Variants in MACROD2 observed in about 807,000 individuals in gnomAD.
MACROD2 encodes the protein ADP-ribose glycohydrolase MACROD2.
A neutral mutation model predicts 70.4 loss-of-function variants in MACROD2; 36 were observed. The observed-to-expected ratio is 0.51, with a 90% CI of 0.39 to 0.68. The LOEUF is 0.68. Among genes scored for constraint, MACROD2 ranks in the 30% least tolerant of loss-of-function variants. MACROD2 has a pLI of 0.00. For synonymous variants in MACROD2, 172 were observed against 178.8 expected, an observed-to-expected ratio of 0.96 and a Z score of 0.30; for missense variants, 496 against 538.4, an observed-to-expected ratio of 0.92 and a Z score of 0.78.
Position 14,307,505 on chromosome 20 carries a change from G to A in MACROD2, c.272-185974G>A, listed in dbSNP as rs77317594. 3.3e-5 allele frequency among the ~76,000 whole-genome samples: 5 copies of A among 152,018 alleles called. No homozygotes were observed. The East Asian group carries it at 7.7e-4, about 23-fold the overall frequency. ...TTGGTTTGAGAAACTATTGCTTTGG[G>A]GCAAAGTCTAAAATAACAATTGTAG... is the stretch of plus-strand genomic sequence containing the variant. On this transcript the variant is annotated intron_variant, in intron 3 of 17. Coordinates refer to ENST00000684519, the MANE Select transcript of MACROD2 (RefSeq NM_001351661.2).
chr20:15,634,278 G>T (rs2049332894), intron 8 of MACROD2, among the ~76,000 whole-genome samples: 1 of 152,160 alleles, frequency 6.6e-6, no homozygotes, highest in Non-Finnish European at 1.5e-5. Context: ...AGTTCATAGG[G>T]TGTGTTTCCA....
intron 2 of MACROD2, among the ~76,000 whole-genome samples, chr20:14,082,792 G>A (rs2054016729): frequency 6.6e-6 from 1 of 152,128 alleles, no homozygotes; most frequent in South Asian, 2.1e-4. Flanking sequence ...GTTCACAATA[G>A]TCTAAATATC....
At chr20:15,972,730 A>G (rs2066250074) in intron 13 of MACROD2, among the ~76,000 whole-genome samples, 1 of 152,132 alleles carries the variant, frequency 6.6e-6, no homozygotes, top group South Asian at 2.1e-4. Flanking sequence ...GAATCACTTG[A>G]ATCCAGGAGG....
At chr20:14,590,048 T>C (rs1283116482) in intron 4 of MACROD2, among the ~76,000 whole-genome samples, 1 of 152,168 alleles carries the variant, frequency 6.6e-6, no homozygotes, top group Non-Finnish European at 1.5e-5. Context: ...TAGACAGTTT[T>C]TTCTCTCTCT....
At chr20:15,109,450 T>C (rs2075937675) in intron 5 of MACROD2, among the ~76,000 whole-genome samples, 1 of 152,190 alleles carries the variant, frequency 6.6e-6, no homozygotes, top group East Asian at 1.9e-4. Context: ...AAAGGGTTGC[T>C]GACAGTGCTT....
At chr20:14,487,516 A>G (rs1280075119) in intron 3 of MACROD2, among the ~76,000 whole-genome samples, 2 of 152,336 alleles carry the variant, frequency 1.3e-5, no homozygotes, top group Admixed American at 1.3e-4. Context: ...GCAAGATGGT[A>G]AAGGAGTCAT....
intron 8 of MACROD2, among the ~76,000 whole-genome samples, chr20:15,856,264 G>T (rs1222236766): frequency 6.6e-6 from 1 of 152,050 alleles, no homozygotes; most frequent in Non-Finnish European, 1.5e-5. Context: ...AGTTTAGAGG[G>T]CATCATTGTT....
chr20:14,301,481 G>A (rs560640912), intron 3 of MACROD2, among the ~76,000 whole-genome samples: 18 of 152,082 alleles, frequency 1.2e-4, no homozygotes, highest in Non-Finnish European at 2.1e-4. Context: ...AGACTGCCAA[G>A]CATTTTCCAA....
At chr20:14,040,220 C>G (rs1417693379) in intron 2 of MACROD2, among the ~76,000 whole-genome samples, 2 of 151,994 alleles carry the variant, frequency 1.3e-5, no homozygotes, top group Non-Finnish European at 2.9e-5. Flanking sequence ...TATCACACAC[C>G]TAGGCTATAT....
At chr20:14,970,573 G>T (rs574876250) in intron 5 of MACROD2, among the ~76,000 whole-genome samples, 1 of 152,120 alleles carries the variant, frequency 6.6e-6, no homozygotes, top group African/African-American at 2.4e-5. Context: ...TATTCATGTT[G>T]TATGAAAACT....
intron 8 of MACROD2, among the ~76,000 whole-genome samples, chr20:15,528,325 G>A (rs1239982553): frequency 1.3e-5 from 2 of 152,154 alleles, no homozygotes; most frequent in Non-Finnish European, 2.9e-5. Context: ...AGTAGACATG[G>A]GGTTTCACCA....
rs192574493 is a variant in MACROD2, at chr20:14,002,278, A to G, written c.47-10A>G. On this transcript the variant is annotated splice_polypyrimidine_tract_variant and intron_variant, in intron 1 of 17. Coordinates refer to ENST00000684519, the MANE Select transcript of MACROD2 (RefSeq NM_001351661.2). ...AAATACAAATGGAGATTCTGCTTTTATTTTGCAAGAACGTTTATTGAAGAT... is the reference window on the plus strand; with the variant it reads ...AAATACAAATGGAGATTCTGCTTTTGTTTTGCAAGAACGTTTATTGAAGAT... 1.9e-6 allele frequency: 3 copies of G among 1,539,776 alleles called. No individual in the cohort carries two copies. The highest frequency in any genetic ancestry group is 2.0e-5 in the Admixed American group (1 of 50,708).
At chr20:14,688,065 A>C (rs1385796453) in intron 5 of MACROD2, among the ~76,000 whole-genome samples, 1 of 152,088 alleles carries the variant, frequency 6.6e-6, no homozygotes, top group African/African-American at 2.4e-5. Context: ...CAATCCACAG[A>C]TGTGCTTTTG....
chr20:14,119,349 A>T (rs1201793474), intron 3 of MACROD2, among the ~76,000 whole-genome samples: 1 of 150,308 alleles, frequency 6.7e-6, no homozygotes, highest in Non-Finnish European at 1.5e-5. Context: ...TTATATTTTT[A>T]GTAGAGATAG....
At chr20:14,141,621 C>T (rs1421301440) in intron 3 of MACROD2, among the ~76,000 whole-genome samples, 2 of 151,566 alleles carry the variant, frequency 1.3e-5, no homozygotes, top group East Asian at 2.0e-4. Context: ...GGCACATGCC[C>T]GTAATCCCAG....
intron 13 of MACROD2, among the ~76,000 whole-genome samples, chr20:15,983,798 T>C (rs2066436562): frequency 6.6e-6 from 1 of 152,222 alleles, no homozygotes; most frequent in Non-Finnish European, 1.5e-5. Flanking sequence ...AGATGGAATA[T>C]TTGATCCATT....
At chr20:15,802,732 G>GT (rs1297474843) in intron 8 of MACROD2, among the ~76,000 whole-genome samples, 1 of 151,816 alleles carries the variant, frequency 6.6e-6, no homozygotes, top group Non-Finnish European at 1.5e-5. Flanking sequence ...GTGAAAAGTC[G>GT]TTTTTTTGAA....
intron 5 of MACROD2, chr20:15,196,747 G>A (rs567509917): frequency 8.3e-6 from 3 of 359,452 alleles, no homozygotes; most frequent in East Asian, 1.6e-4. Flanking sequence ...TGTGAAGAAG[G>A]TACAATATGT....
intron 5 of MACROD2, among the ~76,000 whole-genome samples, chr20:15,049,862 C>T (rs557362155): frequency 3.3e-5 from 5 of 151,674 alleles, no homozygotes; most frequent in South Asian, 2.1e-4. Flanking sequence ...GCAGGAGAAT[C>T]GCTTGAACCC....
Sources: gnomAD v4.1 joint callset for allele counts (sites outside exome capture counted in the v4.1 genomes callset) on GRCh38, gnomAD v4.1.1 for gene constraint, MANE v1.5 for transcripts, NCBI Gene and HGNC (gene_info 2026-07-23, HGNC 2026-07-21) for gene names.